TRIM31: variants seen among roughly 807,000 people sequenced by gnomAD.
TRIM31 encodes the protein tripartite motif containing 31.
In TRIM31, 31 loss-of-function variants were observed where a neutral mutation model predicts 40.6. The ratio of observed to expected loss-of-function variants is 0.76; its 90% CI spans 0.57 to 1.03. The LOEUF (loss-of-function observed/expected upper bound fraction) is 1.03, where lower values mean the gene tolerates loss of function less well. TRIM31 is among the 50% of genes least tolerant of loss of function. The pLI is 0.00. For synonymous variants in TRIM31, 164 were observed against 193.9 expected, an observed-to-expected ratio of 0.85 and a Z score of 1.28; for missense variants, 455 against 497.5, an observed-to-expected ratio of 0.91 and a Z score of 0.81.
chr6:30,108,016 A>C lies in TRIM31; in HGVS notation c.883+37T>G, dbSNP rs747437246. 1.2e-5 allele frequency: 16 copies of C among 1,329,368 alleles called. No individual in the cohort carries two copies. In the South Asian group the frequency reaches 1.2e-4, roughly 10 times the overall value. The allele number at this position is 1,329,368 out of a possible 1,614,324, so 82.3% of individuals were successfully genotyped here. A position where few individuals can be genotyped will look rare whatever the true frequency, so the allele number is the denominator to read the frequency against. On this transcript the variant is annotated intron_variant, in intron 6 of 8. Coordinates refer to ENST00000376734, the MANE Select transcript of TRIM31 (RefSeq NM_007028.5). ...AGTGAGCAGGGAGAGAATCTCCTGG[A>C]AGTAGGTGAATAGAGAAAATACAGC...
chr6:30,103,727 G>C lies in TRIM31; in HGVS notation c.1087C>G (p.Arg363Gly). 6.2e-7 allele frequency: 1 copy of C among 1,613,084 alleles called. No individual in the cohort carries two copies. The highest frequency in any genetic ancestry group is 8.5e-7 in the Non-Finnish European group (1 of 1,180,026). ...HSSAPSHSLF[R>G]ASSAGKVTFP... is the part of the protein sequence containing the mutation. ...GTGACTTTCCCAGCAGACGAGGCCC[G>C]AAACAGGGAGTGGGATGGGGCTGAA... The change falls in exon 9 of 9, where the codon CGG becomes GGG. Residue 363 changes from arginine to glycine, a missense_variant. Transcript: ENST00000376734.
intron 8 of TRIM31, 71 bp from the exon 9 acceptor site, chr6:30,103,860 A>G: frequency 1.3e-6 from 2 of 1,597,492 alleles, no homozygotes; most frequent in Non-Finnish European, 1.7e-6. Context: ...ATTGCCAGAC[A>G]GCACAGCTGA....
chr6:30,103,383 C>A lies in TRIM31; in HGVS notation c.*153G>T. On this transcript the variant is annotated 3_prime_UTR_variant, in exon 9 of 9. Coordinates refer to ENST00000376734, the MANE Select transcript of TRIM31 (RefSeq NM_007028.5). ...TTCACCACCACCCCCGCCCCCATCT[C>A]CACTCTCAGTAGCCCGAGCCCTCCC... is the stretch of plus-strand genomic sequence containing the variant. 9.6e-6 allele frequency: 10 copies of A among 1,040,132 alleles called. No homozygotes were observed. The highest frequency in any genetic ancestry group is 1.6e-5 in the African/African-American group (1 of 62,418). The allele number at this position is 1,040,132 out of a possible 1,614,324, so 64.4% of individuals were successfully genotyped here. A position where few individuals can be genotyped will look rare whatever the true frequency, so the allele number is the denominator to read the frequency against.
intron 6 of TRIM31, chr6:30,107,799 G>A (rs1768863173): frequency 7.4e-6 from 3 of 406,220 alleles, no homozygotes; most frequent in East Asian, 9.5e-5. Flanking sequence ...TGTCCACATG[G>A]GGAATAGGTC....
chr6:30,105,942 C>T (rs1360357290), intron 6 of TRIM31, among the ~76,000 whole-genome samples: 1 of 152,206 alleles, frequency 6.6e-6, no homozygotes, highest in Non-Finnish European at 1.5e-5. Flanking sequence ...TGCCCTCTTT[C>T]CCATGAAAGA....
intron 7 of TRIM31, 80 bp downstream of exon 7, chr6:30,105,088 G>T: frequency 1.6e-6 from 2 of 1,273,444 alleles, no homozygotes; most frequent in Non-Finnish European, 2.2e-6. Context: ...TGGCCTTCAT[G>T]TAATCATAGA....
chr6:30,112,801 GC>G lies in TRIM31; in HGVS notation c.4del (p.Ala2ProfsTer6), dbSNP rs760156760. 35 of 1,603,702 alleles carry G rather than the reference GC, an allele frequency of 2.2e-5. 1 individual carries two copies. The South Asian group carries it at 3.8e-4, about 17-fold the overall frequency. On this transcript the variant is annotated frameshift_variant, in exon 2 of 9. Transcript: ENST00000376734. LOFTEE classifies it high-confidence loss of function. M[A>X]SGQFVNKLQE... The stretch of plus-strand genomic sequence containing the variant: ...CAGTTTGTTCACAAACTGCCCACTG[GC>G]CATGACAGAACAACAGGGCTGTTTC...
chr6:30,107,108 TAAATAAATAAAC>T (rs942946345), intron 6 of TRIM31, among the ~76,000 whole-genome samples: 2 of 150,836 alleles, frequency 1.3e-5, no homozygotes, highest in African/African-American at 4.9e-5. Context: ...CAAAAATAAA[TAAATAAATAAAC>T]AAATAAATAA....
chr6:30,103,186 G>A lies in TRIM31; in HGVS notation c.*350C>T, dbSNP rs1046767317. On this transcript the variant is annotated 3_prime_UTR_variant, in exon 9 of 9. Transcript: ENST00000376734. ...GGATTTCACTCCTGGCTGAACTGGTGCCTTCGGTAAACAGCTGCTTAAAGA... is the reference window on the plus strand; with the variant it reads ...GGATTTCACTCCTGGCTGAACTGGTACCTTCGGTAAACAGCTGCTTAAAGA... 1 of 352,980 alleles carries A rather than the reference G, an allele frequency of 2.8e-6. No homozygotes were observed. Among genetic ancestry groups the A allele is most frequent in the Non-Finnish European group, 5.3e-6 (1 of 190,076 alleles). The allele number at this position is 352,980 out of a possible 1,614,324, so 21.9% of individuals were successfully genotyped here.
intron 6 of TRIM31, 106 bp downstream of exon 6, chr6:30,107,947 C>T: frequency 1.3e-6 from 1 of 769,016 alleles, no homozygotes; most frequent in South Asian, 1.7e-5. Flanking sequence ...CTAGAAGGGC[C>T]CAGGGATTGT....
Position 30,106,561 on chromosome 6 carries a change from C to T in TRIM31, c.884-1319G>A, listed in dbSNP as rs183219643. On this transcript the variant is annotated intron_variant, in intron 6 of 8. Transcript: ENST00000376734. ...TAATAGGGCCAGGTGGCCATTGTGC[C>T]TTCTTCTTTGGGGTAAAAATAAAAT... Among the ~76,000 whole-genome samples the T allele has an allele frequency of 3.9e-3, 591 of 151,564 alleles. 3 individuals are homozygous for T. The highest frequency in any genetic ancestry group is 0.014 in the Middle Eastern group (4 of 294).
In TRIM31 at chr6:30,110,600, A is replaced by T. The variant is rs760423988; in HGVS notation, c.592T>A (p.Phe198Ile). Residue 198 changes from phenylalanine (F) to isoleucine (I), a missense_variant, in exon 4 of 9, where the codon TTC becomes ATC. Transcript: ENST00000376734. ...LHQVLEEEKN[F>I]LLSRIYWLGH... ...AGCCAGTAAATCCGTGATAGCAGGA[A>T]ATTCTTCTCCTCCTCTAGGACTTGA... 2.5e-6 allele frequency: 4 copies of T among 1,614,060 alleles called. No homozygotes were observed. The South Asian group carries it at 3.3e-5, about 13-fold the overall frequency.
At position 30,110,430 on chromosome 6, in the gene TRIM31, T is replaced by C; in HGVS notation, c.744+18A>G. The C allele has an allele frequency of 6.2e-7, 1 of 1,612,512 alleles. No individual in the cohort carries two copies. The highest frequency in any genetic ancestry group is 8.5e-7 in the Non-Finnish European group (1 of 1,178,854). On this transcript the variant is annotated intron_variant, in intron 4 of 8. Coordinates refer to ENST00000376734, the MANE Select transcript of TRIM31 (RefSeq NM_007028.5). Reference sequence around the variant, plus strand: ...ATGGGCTGCTACCTCTCTGCAATTCTGCCCCCAAGGGACTCACCTCCAGCA... The same window carrying C: ...ATGGGCTGCTACCTCTCTGCAATTCCGCCCCCAAGGGACTCACCTCCAGCA...
Position 30,110,629 on chromosome 6 carries a change from A to C in TRIM31, c.563T>G (p.Leu188Arg). The C allele has an allele frequency of 6.2e-7, 1 of 1,614,246 alleles. No individual in the cohort carries two copies. Among genetic ancestry groups the C allele is most frequent in the African/African-American group, 1.3e-5 (1 of 75,056 alleles). The change falls in exon 4 of 9, where the codon CTG (leucine) becomes CGG (arginine). Residue 188 changes from leucine to arginine, a missense_variant. Physicochemically the swap from Leu to Arg is moderately radical, Grantham distance 102. Transcript: ENST00000376734. Reference sequence around the variant, plus strand: ...CTTCTCCTCCTCTAGGACTTGATGCAGGAGTTCAAATTCTGTGAGGATCCT... The same window carrying C: ...CTTCTCCTCCTCTAGGACTTGATGCCGGAGTTCAAATTCTGTGAGGATCCT... The part of the protein sequence containing the change: ...KQRILTEFEL[L>R]HQVLEEEKNF...
intron 7 of TRIM31, 143 bp downstream of exon 7, chr6:30,105,021 AAAAC>A (rs1191991010): frequency 2.8e-6 from 2 of 716,194 alleles, no homozygotes; most frequent in Non-Finnish European, 4.7e-6. Context: ...TTAAAATAAT[AAAAC>A]AACCATATGC....
At chr6:30,111,821 A>G (rs1769361370) in intron 2 of TRIM31, 78 bp from the exon 3 acceptor site, 1 of 1,330,996 alleles carries the variant, frequency 7.5e-7, no homozygotes, top group Admixed American at 1.7e-5. Flanking sequence ...CTCTTAGGAG[A>G]GCTGGTGACA....
rs1169521500 is a variant in TRIM31 at position 30,111,735 on chromosome 6, A to C, written c.426T>G (p.Ile142Met). Reference protein sequence around the residue: ...EEAAQNYQGQIQEQIQVLQQK... With the variant: ...EEAAQNYQGQMQEQIQVLQQK... ...GCTGCAAGACTTGGATCTGCTCTTG[A>C]ATCTGCCCCTGCGGAAAGAGGGCCG... is the stretch of plus-strand genomic sequence containing the variant. The change falls in exon 3 of 9, where the codon ATT becomes ATG. Residue 142 changes from isoleucine to methionine, a missense_variant. By Grantham distance (10) the Ile-to-Met change is conservative. Transcript: ENST00000376734. 6.2e-7 allele frequency: 1 copy of C among 1,614,176 alleles called. No homozygotes were observed. The highest frequency in any genetic ancestry group is 1.1e-5 in the South Asian group (1 of 91,074).
intron 5 of TRIM31, among the ~76,000 whole-genome samples, chr6:30,108,593 G>A (rs1768973791): frequency 6.6e-6 from 1 of 150,444 alleles, no homozygotes; most frequent in Non-Finnish European, 1.5e-5. Flanking sequence ...AAGAAGACCT[G>A]GCGGTTAAGG....
Position 30,103,368 on chromosome 6 carries a change from C to T in TRIM31, c.*168G>A. The T allele has an allele frequency of 1.1e-6, 1 of 923,084 alleles. No homozygotes were observed. Among genetic ancestry groups the T allele is most frequent in the East Asian group, 2.4e-5 (1 of 41,436 alleles). The allele number at this position is 923,084 out of a possible 1,614,324, so 57.2% of individuals were successfully genotyped here. A position where few individuals can be genotyped will look rare whatever the true frequency, so the allele number is the denominator to read the frequency against. ...CCTTCTCCAACTCTCTTCACCACCA[C>T]CCCCGCCCCCATCTCCACTCTCAGT... is the stretch of plus-strand genomic sequence containing the variant. On this transcript the variant is annotated 3_prime_UTR_variant, in exon 9 of 9. Transcript: ENST00000376734.
Sources: gnomAD v4.1 joint callset for allele counts (sites outside exome capture counted in the v4.1 genomes callset) on GRCh38, gnomAD v4.1.1 for gene constraint, MANE v1.5 for transcripts, NCBI Gene and HGNC (gene_info 2026-07-23, HGNC 2026-07-21) for gene names.